SGO2: variants seen among roughly 807,000 people sequenced by gnomAD.
SGO2 encodes shugoshin-like 2.
A neutral mutation model predicts 99.5 loss-of-function variants in SGO2; 68 were observed. The observed-to-expected ratio is 0.68, with a 90% CI of 0.56 to 0.84. The LOEUF (loss-of-function observed/expected upper bound fraction) is 0.84. SGO2 is among the 40% of genes least tolerant of loss of function. The pLI is 0.00. For missense variants in SGO2, 1,350 were observed against 1,436.7 expected (o/e 0.94, Z 0.97); for synonymous variants, 457 against 487.1 (o/e 0.94, Z 0.81).
At chr2:200,541,316 G>A (rs569649765) in intron 4 of SGO2, among the ~76,000 whole-genome samples, 7 of 152,244 alleles carry the variant, frequency 4.6e-5, no homozygotes, top group East Asian at 1.9e-4. Context: ...TGCTTTGATC[G>A]TCCCAGGGTC....
intron 5 of SGO2, among the ~76,000 whole-genome samples, chr2:200,545,396 CTTTG>C (rs1055832124): frequency 1.3e-5 from 2 of 152,196 alleles, no homozygotes; most frequent in South Asian, 2.1e-4. Flanking sequence ...TGAAATCCAA[CTTTG>C]TTTGTGGCGG....
chr2:200,569,107 A>G (rs2033298447), intron 5 of SGO2, among the ~76,000 whole-genome samples: 1 of 151,998 alleles, frequency 6.6e-6, no homozygotes, highest in Admixed American at 6.6e-5. Flanking sequence ...ATTACTCTTC[A>G]TTCTTTGAAT....
chr2:200,574,093 A>ATT, intron 7 of SGO2, 116 bp downstream of exon 7: 1 of 719,074 alleles, frequency 1.4e-6, no homozygotes. Flanking sequence ...GAATTTAAAA[A>ATT]CAATATATAA....
chr2:200,583,406 A>G, intron 8 of SGO2, 43 bp from the exon 9 acceptor site: 1 of 1,550,150 alleles, frequency 6.5e-7, no homozygotes, highest in Non-Finnish European at 8.7e-7. Flanking sequence ...CAAAAGCATT[A>G]ATTTTGGGTT....
chr2:200,570,301 C>T lies in SGO2; in HGVS notation c.703+409C>T, dbSNP rs980748582. On this transcript the variant is annotated intron_variant, in intron 6 of 8. Transcript: ENST00000357799. The surrounding 1 kb of genome is among the most constrained non-coding windows in gnomAD (Gnocchi z 4.4). The stretch of plus-strand genomic sequence containing the variant: ...TTAATGGTAAAGCAAAAACTTGAGT[C>T]TGGGTAATGGTTGAGCAAGAAAAAA... 1.3e-5 allele frequency among the ~76,000 whole-genome samples: 2 copies of T among 151,794 alleles called. No individual in the cohort carries two copies. The highest frequency in any genetic ancestry group is 2.4e-5 in the African/African-American group (1 of 41,348).
Position 200,573,295 on chromosome 2 carries a change from T to G in SGO2, c.2949T>G (p.Val983=). 6.2e-7 allele frequency: 1 copy of G among 1,605,474 alleles called. No homozygotes were observed. The highest frequency in any genetic ancestry group is 8.5e-7 in the Non-Finnish European group (1 of 1,177,622). Residue 983 remains valine (V), a synonymous_variant, in exon 7 of 9, where the codon GTT becomes GTG. Transcript: ENST00000357799. ...CDQILDSYKV[V]KKRKKESSCK... is the part of the protein sequence containing the mutation. ...AAATTTTAGATTCCTACAAAGTAGT[T>G]AAAAAACGTAAGAAAGAATCATCAT...
chr2:200,555,391 A>C (rs1433800835), intron 5 of SGO2, among the ~76,000 whole-genome samples: 3 of 152,174 alleles, frequency 2.0e-5, no homozygotes, highest in African/African-American at 7.2e-5. Flanking sequence ...AGGGCCTAAT[A>C]AGCAGGCATA....
rs1438533886 is a variant in SGO2 at position 200,572,703 on chromosome 2, T to TG, written c.2362dup (p.Val788GlyfsTer6). 4 of 1,612,656 alleles carry TG rather than the reference T, an allele frequency of 2.5e-6. No individual in the cohort carries two copies. The highest frequency in any genetic ancestry group is 3.4e-6 in the Non-Finnish European group (4 of 1,179,344). ...TATGATTCTGAGATTCAAAATGTTT[T>TG]GGGGGTGAAACATGGCCATGATATG... is the stretch of plus-strand genomic sequence containing the variant. On this transcript the variant is annotated frameshift_variant, in exon 7 of 9. Transcript: ENST00000357799. LOFTEE classifies it high-confidence loss of function.
chr2:200,559,743 T>C (rs1194908035), intron 5 of SGO2, among the ~76,000 whole-genome samples: 3 of 152,200 alleles, frequency 2.0e-5, no homozygotes, highest in Non-Finnish European at 4.4e-5. Flanking sequence ...GTTTTTGATA[T>C]ACCATATCAT....
intron 2 of SGO2, 32 bp from the exon 3 acceptor site, chr2:200,534,964 A>C (rs1254698047): frequency 1.4e-6 from 2 of 1,435,932 alleles, no homozygotes; most frequent in Non-Finnish European, 1.8e-6. Flanking sequence ...GTATAAGCTG[A>C]ATATTAACTC....
At chr2:200,566,119 C>A (rs2033178388) in intron 5 of SGO2, among the ~76,000 whole-genome samples, 1 of 152,224 alleles carries the variant, frequency 6.6e-6, no homozygotes. Context: ...TGGCAAGGAG[C>A]TGCATTCCTT....
intron 5 of SGO2, among the ~76,000 whole-genome samples, chr2:200,545,264 C>T (rs1487754354): frequency 6.6e-6 from 1 of 152,156 alleles, no homozygotes; most frequent in Non-Finnish European, 1.5e-5. Context: ...ACCTCAACCT[C>T]GCAAAGTGCT....
At chr2:200,533,322 C>A in intron 2 of SGO2, 1 of 391,060 alleles carries the variant, frequency 2.6e-6, no homozygotes, top group Non-Finnish European at 4.4e-6. Flanking sequence ...GTTGAATTTT[C>A]AGCAGTGAGG....
chr2:200,580,263 C>A lies in SGO2; in HGVS notation c.3783-3186C>A, dbSNP rs147381981. The stretch of plus-strand genomic sequence containing the variant: ...TTAGACATGTAAATTAATTTTAAAT[C>A]TTTTTTCCCATAATTATTTTACCTA... On this transcript the variant is annotated intron_variant, in intron 8 of 8. Coordinates refer to ENST00000357799, the MANE Select transcript of SGO2 (RefSeq NM_152524.6). Among the ~76,000 whole-genome samples the A allele has an allele frequency of 1.7e-3, 257 of 152,006 alleles. 2 individuals carry two copies. Among genetic ancestry groups the A allele is most frequent in the Admixed American group, 0.015 (225 of 15,286 alleles).
At chr2:200,536,285 C>T (rs1222668579) in intron 4 of SGO2, 143 bp downstream of exon 4, 5 of 459,126 alleles carry the variant, frequency 1.1e-5, no homozygotes, top group Non-Finnish European at 2.0e-5. Flanking sequence ...AACTGGCTAA[C>T]AGCATATTAT....
chr2:200,557,591 A>G (rs2032769257), intron 5 of SGO2, among the ~76,000 whole-genome samples: 1 of 152,200 alleles, frequency 6.6e-6, no homozygotes, highest in Admixed American at 6.5e-5. Context: ...AAGTAAAGGA[A>G]TAAGAAATGG....
chr2:200,576,559 G>A (rs977496146), intron 8 of SGO2, among the ~76,000 whole-genome samples: 1 of 152,114 alleles, frequency 6.6e-6, no homozygotes, highest in Non-Finnish European at 1.5e-5. Flanking sequence ...CTGGGTGACA[G>A]CGTGAAACTG....
chr2:200,545,670 TG>T (rs759978802), intron 5 of SGO2, among the ~76,000 whole-genome samples: 4 of 152,216 alleles, frequency 2.6e-5, no homozygotes, highest in Non-Finnish European at 5.9e-5. Flanking sequence ...GTAGGAGAAC[TG>T]CACTTCCACA....
In SGO2 at chr2:200,570,375, G is replaced by A. The variant is rs1574875517; in HGVS notation, c.703+483G>A. Among the ~76,000 whole-genome samples, 1 of 151,776 alleles carries A rather than the reference G, an allele frequency of 6.6e-6. No individual in the cohort carries two copies. The highest frequency in any genetic ancestry group is 2.4e-5 in the African/African-American group (1 of 41,430). On this transcript the variant is annotated intron_variant, in intron 6 of 8. Transcript: ENST00000357799. The surrounding 1 kb of genome is among the most constrained non-coding windows in gnomAD (Gnocchi z 4.4). ...ATAGTATTCCTAAATGATAATCTGT[G>A]GTGTAGTCTGGTGCTTACAGATTTG...
Sources: gnomAD v4.1 joint callset for allele counts (sites outside exome capture counted in the v4.1 genomes callset) on GRCh38, gnomAD v4.1.1 for gene constraint, Gnocchi (gnomAD v3.1) non-coding constraint, MANE v1.5 for transcripts, NCBI Gene and HGNC (gene_info 2026-07-23, HGNC 2026-07-21) for gene names.